Variants in RABGAP1L observed in about 807,000 individuals in gnomAD.
The protein encoded by RABGAP1L is RAB GTPase activating protein 1 like.
RABGAP1L carries 63 observed loss-of-function variants against 137.7 expected under a neutral mutation model. That is an observed-to-expected ratio of 0.46 (90% CI 0.37 to 0.56). The LOEUF is 0.56. Ranked by LOEUF, RABGAP1L falls within the 20% of genes least tolerant of loss-of-function variation. RABGAP1L has a pLI of 0.00. For missense variants in RABGAP1L, 1,095 were observed against 1,244.0 expected, an observed-to-expected ratio of 0.88 and a Z score of 1.80; for synonymous variants, 431 against 433.7, an observed-to-expected ratio of 0.99 and a Z score of 0.08.
At chr1:174,798,651 A>G (rs1003568352) in intron 18 of RABGAP1L, among the ~76,000 whole-genome samples, 3 of 152,172 alleles carry the variant, frequency 2.0e-5, no homozygotes, top group Non-Finnish European at 1.5e-5. Flanking sequence ...ACATACATCA[A>G]TAAATATGTT....
chr1:174,339,886 T>C (rs1280825805), intron 11 of RABGAP1L, among the ~76,000 whole-genome samples: 2 of 152,106 alleles, frequency 1.3e-5, no homozygotes, highest in Admixed American at 1.3e-4. Context: ...GAATTACAGG[T>C]GTGAGCCACC....
At chr1:174,877,308 G>C in intron 19 of RABGAP1L, 1 of 1,165,054 alleles carries the variant, frequency 8.6e-7, no homozygotes, top group Non-Finnish European at 1.2e-6. Context: ...TGAATTGCTA[G>C]CCAAGCCTGT....
intron 19 of RABGAP1L, among the ~76,000 whole-genome samples, chr1:174,951,112 A>T (rs553393509): frequency 6.6e-6 from 1 of 151,950 alleles, no homozygotes; most frequent in Non-Finnish European, 1.5e-5. Context: ...TCCCTCTCCA[A>T]CCCTCTGTCC....
intron 18 of RABGAP1L, among the ~76,000 whole-genome samples, chr1:174,754,455 G>A (rs1684564150): frequency 6.6e-6 from 1 of 152,118 alleles, no homozygotes; most frequent in Non-Finnish European, 1.5e-5. Context: ...AAACTTTGGA[G>A]AAGTTCAAAT....
At chr1:174,549,019 C>A (rs964878171) in intron 13 of RABGAP1L, among the ~76,000 whole-genome samples, 1 of 152,128 alleles carries the variant, frequency 6.6e-6, no homozygotes, top group Non-Finnish European at 1.5e-5. Context: ...TAGGATACAG[C>A]ATATGTTATT....
intron 18 of RABGAP1L, chr1:174,757,072 C>G: frequency 1.9e-6 from 1 of 520,918 alleles, no homozygotes. Context: ...CTGGCTTTTC[C>G]CCCACGGACT....
At chr1:174,196,230 T>C (rs950970180) in intron 1 of RABGAP1L, among the ~76,000 whole-genome samples, 1 of 150,060 alleles carries the variant, frequency 6.7e-6, no homozygotes, top group Non-Finnish European at 1.5e-5. Flanking sequence ...TTTCTTTCTT[T>C]TTTTTTTTTT....
chr1:174,639,444 A>C (rs375848832), intron 14 of RABGAP1L, among the ~76,000 whole-genome samples: 26 of 152,214 alleles, frequency 1.7e-4, no homozygotes, highest in African/African-American at 6.0e-4. Flanking sequence ...ACTACTTTGA[A>C]ATTCTGCAAG....
intron 13 of RABGAP1L, among the ~76,000 whole-genome samples, chr1:174,603,424 G>C (rs533912663): frequency 8.5e-4 from 129 of 152,132 alleles, no homozygotes; most frequent in African/African-American, 2.9e-3. Flanking sequence ...CACAGTACTG[G>C]GTCTTGTCCA....
At chr1:174,186,560 A>G (rs746237145) in intron 1 of RABGAP1L, among the ~76,000 whole-genome samples, 3 of 152,208 alleles carry the variant, frequency 2.0e-5, no homozygotes, top group Non-Finnish European at 4.4e-5. Flanking sequence ...AACCTGTAGA[A>G]AAACTAGTCA....
intron 17 of RABGAP1L, 67 bp downstream of exon 17, chr1:174,702,323 TTTC>T: frequency 7.3e-7 from 1 of 1,377,308 alleles, no homozygotes. Flanking sequence ...TGGTTACAGT[TTTC>T]TTCCTTTTGT....
intron 16 of RABGAP1L, 79 bp from the exon 17 acceptor site, chr1:174,702,034 A>G (rs1292699513): frequency 7.5e-7 from 1 of 1,327,090 alleles, no homozygotes. Flanking sequence ...AGCTGTTTGT[A>G]AGTTGCAGTT....
chr1:174,950,154 C>T (rs940728762), intron 19 of RABGAP1L, among the ~76,000 whole-genome samples: 4 of 152,174 alleles, frequency 2.6e-5, no homozygotes, highest in Admixed American at 6.5e-5. Context: ...AGTATGAATT[C>T]AGGAGGAGAA....
intron 13 of RABGAP1L, chr1:174,547,746 ATTGTAT>A: frequency 1.8e-6 from 2 of 1,103,156 alleles, no homozygotes; most frequent in Non-Finnish European, 2.6e-6. Flanking sequence ...ATATGGAGTC[ATTGTAT>A]TTGTATTTAA....
At chr1:174,775,826 A>G (rs1279161064) in intron 18 of RABGAP1L, among the ~76,000 whole-genome samples, 1 of 152,180 alleles carries the variant, frequency 6.6e-6, no homozygotes, top group African/African-American at 2.4e-5. Context: ...GGTCCCTCAC[A>G]GTTCACTAAT....
At chr1:174,305,458 C>G (rs1479673132) in intron 11 of RABGAP1L, among the ~76,000 whole-genome samples, 2 of 152,122 alleles carry the variant, frequency 1.3e-5, no homozygotes, top group Non-Finnish European at 2.9e-5. Context: ...AATCTCGGCT[C>G]CCTGCAACCT....
chr1:174,521,726 G>A (rs970496836), intron 13 of RABGAP1L, among the ~76,000 whole-genome samples: 11 of 152,146 alleles, frequency 7.2e-5, no homozygotes, highest in African/African-American at 2.7e-4. Flanking sequence ...AAAATCTGAT[G>A]TATATATCAG....
chr1:174,534,775 CAAAAAAA>C (rs71117567), intron 13 of RABGAP1L, among the ~76,000 whole-genome samples: 4,913 of 71,642 alleles, frequency 0.069, 327 homozygotes, highest in African/African-American at 0.2. Flanking sequence ...ACTCTGTCTC[CAAAAAAA>C]AAAAAAAAAA....
chr1:174,449,013 T>C, intron 13 of RABGAP1L: 1 of 1,613,676 alleles, frequency 6.2e-7, no homozygotes, highest in Non-Finnish European at 8.5e-7. Flanking sequence ...CTGTCCTTCT[T>C]AACAACCTGG....
Sources: allele counts gnomAD v4.1 joint callset (sites outside exome capture counted in the v4.1 genomes callset), GRCh38; gene constraint gnomAD v4.1.1; transcripts MANE v1.5; gene names NCBI Gene and HGNC (gene_info 2026-07-23, HGNC 2026-07-21).